TBC1D32: variants seen among roughly 807,000 people sequenced by gnomAD.
The protein encoded by TBC1D32 is protein broad-minded.
A neutral mutation model predicts 170.3 loss-of-function variants in TBC1D32; 151 were observed. The observed-to-expected ratio is 0.89, with a 90% confidence interval of 0.78 to 1.01. The LOEUF is 1.01. TBC1D32 is among the 50% of genes least tolerant of loss of function. The pLI, the probability that TBC1D32 is intolerant of heterozygous loss-of-function variation, is 0.00. For synonymous variants in TBC1D32, 498 were observed against 488.0 expected (o/e 1.02, Z -0.27); for missense variants, 1,464 against 1,457.1 (o/e 1.00, Z -0.08).
chr6:121,292,464 G>A (rs1805009399), intron 11 of TBC1D32, among the ~76,000 whole-genome samples: 1 of 152,156 alleles, frequency 6.6e-6, no homozygotes, highest in Non-Finnish European at 1.5e-5. Context: ...GACTGCCAGA[G>A]TTATCTGCCA....
chr6:121,157,500 C>T (rs1354239520), intron 24 of TBC1D32, among the ~76,000 whole-genome samples: 1 of 152,134 alleles, frequency 6.6e-6, no homozygotes, highest in African/African-American at 2.4e-5. Flanking sequence ...AGGCCAGTTA[C>T]ATTCAGGGTA....
chr6:121,225,577 T>G (rs1185090917), intron 20 of TBC1D32, among the ~76,000 whole-genome samples: 1 of 152,048 alleles, frequency 6.6e-6, no homozygotes, highest in African/African-American at 2.4e-5. Context: ...GGAACCTCTC[T>G]TCATGTAAGA....
intron 1 of TBC1D32, among the ~76,000 whole-genome samples, chr6:121,325,211 CAA>C (rs1241989773): frequency 2.1e-4 from 14 of 67,904 alleles, no homozygotes; most frequent in Non-Finnish European, 2.3e-4. Context: ...GACTCCATCT[CAA>C]AAAAAAAAAA....
chr6:121,208,729 G>GAAAAAAAAAAAAAAAAAA (rs57771111), intron 21 of TBC1D32, among the ~76,000 whole-genome samples: 9 of 86,894 alleles, frequency 1.0e-4, no homozygotes, highest in East Asian at 3.7e-4. Flanking sequence ...GAAACACCTG[G>GAAAAAAAAAAAAAAAAAA]AAAAAAAAAA....
intron 31 of TBC1D32, among the ~76,000 whole-genome samples, chr6:121,088,039 C>T (rs527421207): frequency 6.6e-6 from 1 of 151,716 alleles, no homozygotes; most frequent in Non-Finnish European, 1.5e-5. Context: ...CGGCCTCGAC[C>T]TCCTGGGCTC....
At chr6:121,251,782 G>T (rs1178682045) in intron 17 of TBC1D32, among the ~76,000 whole-genome samples, 1 of 152,088 alleles carries the variant, frequency 6.6e-6, no homozygotes, top group Non-Finnish European at 1.5e-5. Flanking sequence ...TACAGAATGG[G>T]AGAAAATTTT....
intron 12 of TBC1D32, among the ~76,000 whole-genome samples, chr6:121,287,483 G>A (rs1183383462): frequency 6.6e-6 from 1 of 152,008 alleles, no homozygotes; most frequent in Non-Finnish European, 1.5e-5. Flanking sequence ...CCCAATACAG[G>A]AGCACCCAGA....
At chr6:121,293,240 A>G (rs78982630) in intron 11 of TBC1D32, among the ~76,000 whole-genome samples, 1 of 150,610 alleles carries the variant, frequency 6.6e-6, no homozygotes, top group African/African-American at 2.4e-5. Flanking sequence ...GCTAAATATT[A>G]CATTTTAATA....
At chr6:121,100,741 C>T (rs1458680048) in intron 30 of TBC1D32, among the ~76,000 whole-genome samples, 1 of 151,984 alleles carries the variant, frequency 6.6e-6, no homozygotes, top group Non-Finnish European at 1.5e-5. Flanking sequence ...AAGATCAGAG[C>T]AGACCTGAAG....
intron 22 of TBC1D32, among the ~76,000 whole-genome samples, chr6:121,180,014 T>TA (rs1788303239): frequency 1.3e-5 from 2 of 152,064 alleles, no homozygotes; most frequent in African/African-American, 4.8e-5. Context: ...ACTATCAAGC[T>TA]AAAAAAATTA....
chr6:121,162,871 G>T (rs1326839501), intron 22 of TBC1D32: 1 of 97,124 alleles, frequency 1.0e-5, no homozygotes, highest in East Asian at 3.0e-4. Flanking sequence ...TGTGCGCACC[G>T]TGCGCGAGCC....
intron 10 of TBC1D32, among the ~76,000 whole-genome samples, chr6:121,298,540 T>C (rs1035046827): frequency 1.3e-5 from 2 of 152,094 alleles, no homozygotes; most frequent in African/African-American, 2.4e-5. Flanking sequence ...CAAATTTTTA[T>C]TTAAAATGGG....
chr6:121,135,939 GATGCCCACCAAAAAA>G (rs1486908463), intron 24 of TBC1D32, among the ~76,000 whole-genome samples: 3 of 152,036 alleles, frequency 2.0e-5, no homozygotes, highest in African/African-American at 7.2e-5. Context: ...AAGCAACTTA[GATGCCCACCAAAAAA>G]ATGTCCACCA....
chr6:121,291,157 A>G (rs1033902772), intron 12 of TBC1D32, among the ~76,000 whole-genome samples: 2 of 151,688 alleles, frequency 1.3e-5, no homozygotes, highest in Non-Finnish European at 2.9e-5. Context: ...AATAAAAAAA[A>G]AAAGAAAGAA....
At chr6:121,307,510 A>C (rs1462261133) in intron 5 of TBC1D32, among the ~76,000 whole-genome samples, 1 of 152,314 alleles carries the variant, frequency 6.6e-6, no homozygotes, top group East Asian at 1.9e-4. Flanking sequence ...GTTAAGAAAA[A>C]TTTTGACAAT....
At chr6:121,208,903 G>A (rs1481400995) in intron 21 of TBC1D32, among the ~76,000 whole-genome samples, 2 of 151,876 alleles carry the variant, frequency 1.3e-5, no homozygotes, top group Non-Finnish European at 2.9e-5. Context: ...AATGTGTTAC[G>A]ACAGACCTAG....
chr6:121,252,737 A>C (rs552630331), intron 17 of TBC1D32, among the ~76,000 whole-genome samples: 1 of 152,100 alleles, frequency 6.6e-6, no homozygotes, highest in African/African-American at 2.4e-5. Context: ...AATGTATAAT[A>C]AATAAAAAAA....
At chr6:121,255,488 A>T in intron 16 of TBC1D32, 78 bp from the exon 17 acceptor site, 1 of 298,734 alleles carries the variant, frequency 3.3e-6, no homozygotes, top group Non-Finnish European at 5.7e-6. Context: ...TATATTTATA[A>T]TTATATTTTA....
chr6:121,239,094 A>G lies in TBC1D32; in HGVS notation c.2340T>C (p.Asp780=), dbSNP rs770474659. The change falls in exon 20 of 32, where the codon GAT becomes GAC. Residue 780 remains aspartate, a synonymous_variant. Transcript: ENST00000398212. The stretch of plus-strand genomic sequence containing the variant: ...CCTTTTGACAGCTTCGGTCAATAGG[A>G]TCCACTGGAGTAGTTCTGGGATGGG... ...RVTHPRTTPV[D]PIDRSCQKSF... 1.3e-6 allele frequency: 2 copies of G among 1,597,550 alleles called. No homozygotes were observed. The highest frequency in any genetic ancestry group is 2.7e-5 in the African/African-American group (2 of 74,700).
Sources: gnomAD v4.1 joint callset for allele counts (sites outside exome capture counted in the v4.1 genomes callset) on GRCh38, gnomAD v4.1.1 for gene constraint, MANE v1.5 for transcripts, NCBI Gene and HGNC (gene_info 2026-07-23, HGNC 2026-07-21) for gene names.